DCDC1: variants seen among roughly 807,000 people sequenced by gnomAD.
The protein encoded by DCDC1 is doublecortin domain-containing protein 1.
In DCDC1, 200 loss-of-function variants were observed where a neutral mutation model predicts 178.3. That is an observed-to-expected ratio of 1.12 (90% CI 1.00 to 1.26). The LOEUF is 1.26. Among genes scored for constraint, DCDC1 ranks in the 50% most tolerant of loss-of-function variants. The probability of loss-of-function intolerance (pLI) is 0.00; values close to 1 mark genes in which losing one functional copy is unlikely to be tolerated. For missense variants in DCDC1, 1,983 were observed against 1,749.2 expected (o/e 1.13, Z -2.38); for synonymous variants, 690 against 604.8 (o/e 1.14, Z -2.07).
At chr11:31,290,945 T>C in intron 6 of DCDC1, 93 bp from the exon 7 acceptor site, 7 of 1,107,796 alleles carry the variant, frequency 6.3e-6, no homozygotes, top group Non-Finnish European at 8.9e-6. Flanking sequence ...CTGTGTATTA[T>C]ACACTGGCCA....
At position 30,878,822 on chromosome 11, in the gene DCDC1, C is replaced by T. The variant is rs1269935736; in HGVS notation, c.5234-111G>A. Reference sequence around the variant, plus strand: ...AGACCCCTCACAAATCCTTGGCTCCCACCCTGGGCTCTCTCATTACAACTT... The same window carrying T: ...AGACCCCTCACAAATCCTTGGCTCCTACCCTGGGCTCTCTCATTACAACTT... On this transcript the variant is annotated intron_variant, in intron 37 of 38. Coordinates refer to ENST00000684477, the MANE Select transcript of DCDC1 (RefSeq NM_001387274.1). The T allele has an allele frequency of 1.5e-5, 15 of 969,696 alleles. No homozygotes were observed. The East Asian group carries it at 3.7e-4, about 24-fold the overall frequency. The allele number at this position is 969,696 out of a possible 1,614,324, so 60.1% of individuals were successfully genotyped here.
In DCDC1 at chr11:31,102,227, G is replaced by C. The variant is rs780035030; in HGVS notation, c.1933C>G (p.Pro645Ala). The C allele has an allele frequency of 9.4e-6, 7 of 740,822 alleles. No homozygotes were observed. Among genetic ancestry groups the C allele is most frequent in the Non-Finnish European group, 1.7e-5 (7 of 402,262 alleles). 45.9% of individuals were successfully genotyped at this position (740,822 alleles called of 1,614,324 possible). ...AAGTCCACCTTTTCAAACTGGTCAGGTATCTGTTGACTGGTACAGTTGAAA... is the reference window on the plus strand; with the variant it reads ...AAGTCCACCTTTTCAAACTGGTCAGCTATCTGTTGACTGGTACAGTTGAAA... ...INFNCTSQQI[P>A]DQFEKVDLEN... The change falls in exon 15 of 39, where the codon CCT (proline) becomes GCT (alanine). Residue 645 changes from proline to alanine, a missense_variant. Transcript: ENST00000684477.
intron 10 of DCDC1, 164 bp from the exon 11 acceptor site, chr11:31,127,803 T>C: frequency 2.0e-6 from 1 of 506,498 alleles, no homozygotes; most frequent in Non-Finnish European, 3.5e-6. Flanking sequence ...TATACATTCC[T>C]ACATCTACTT....
intron 8 of DCDC1, among the ~76,000 whole-genome samples, chr11:31,246,838 C>A (rs1003432568): frequency 6.6e-6 from 1 of 152,008 alleles, no homozygotes; most frequent in Non-Finnish European, 1.5e-5. Context: ...ATCTTATTGT[C>A]CCTAAGGTAC....
At chr11:30,910,914 C>T (rs1460510924) in intron 28 of DCDC1, among the ~76,000 whole-genome samples, 3 of 152,186 alleles carry the variant, frequency 2.0e-5, no homozygotes, top group Non-Finnish European at 2.9e-5. Context: ...TGACTAGGTT[C>T]TTTCTCTCCA....
chr11:30,881,455 G>T, intron 36 of DCDC1, 147 bp from the exon 37 acceptor site: 1 of 1,055,990 alleles, frequency 9.5e-7, no homozygotes, highest in Non-Finnish European at 1.3e-6. Context: ...GAAGAGATGG[G>T]AAGAAGGGCA....
chr11:31,031,859 ATATTTTTCTTTTAAG>A (rs1321051433), intron 20 of DCDC1, among the ~76,000 whole-genome samples: 41 of 152,244 alleles, frequency 2.7e-4, no homozygotes, highest in Admixed American at 9.8e-4. Context: ...AACAGCCATT[ATATTTTTCTTTTAAG>A]TCATTATGGA....
chr11:31,128,090 T>C (rs1961901998), intron 10 of DCDC1, among the ~76,000 whole-genome samples: 1 of 152,058 alleles, frequency 6.6e-6, no homozygotes, highest in Non-Finnish European at 1.5e-5. Context: ...ATTTTCAATA[T>C]ATATATTAAA....
chr11:30,908,866 GA>G (rs1002005175), intron 29 of DCDC1, 79 bp downstream of exon 29: 42 of 1,344,826 alleles, frequency 3.1e-5, no homozygotes, highest in Non-Finnish European at 4.0e-5. Flanking sequence ...GTTTTCTAGG[GA>G]AAAAAATTTT....
At chr11:31,251,615 C>CAGAGAG (rs142524213) in intron 8 of DCDC1, among the ~76,000 whole-genome samples, 1 of 147,826 alleles carries the variant, frequency 6.8e-6, no homozygotes, top group African/African-American at 2.5e-5. Context: ...GACAGAGAAA[C>CAGAGAG]AGAGAGAGAG....
chr11:31,212,872 T>C (rs1027541939), intron 9 of DCDC1, among the ~76,000 whole-genome samples: 2 of 152,294 alleles, frequency 1.3e-5, no homozygotes, highest in East Asian at 3.9e-4. Flanking sequence ...CTCATTGTAA[T>C]AGAAATTGGA....
At position 31,067,291 on chromosome 11, in the gene DCDC1, TAGAC is replaced by T. The variant is rs540927331; in HGVS notation, c.2299-2142_2299-2139del. On this transcript the variant is annotated intron_variant, in intron 18 of 38. Coordinates refer to ENST00000684477, the MANE Select transcript of DCDC1 (RefSeq NM_001387274.1). ...ATGAAAATACAAGAAAAGGATCTAG[TAGAC>T]ATTTCTCCAAAGAAGATAAACCATT... Among the ~76,000 whole-genome samples the T allele has an allele frequency of 1.5e-3, 230 of 152,202 alleles. 2 individuals carry two copies. Among genetic ancestry groups the T allele is most frequent in the African/African-American group, 5.1e-3 (211 of 41,550 alleles).
intron 7 of DCDC1, among the ~76,000 whole-genome samples, chr11:31,269,611 C>T (rs991984801): frequency 2.0e-5 from 3 of 151,996 alleles, no homozygotes; most frequent in Non-Finnish European, 4.4e-5. Flanking sequence ...TCTCAAGACC[C>T]CTGGTCTCAA....
intron 9 of DCDC1, among the ~76,000 whole-genome samples, chr11:31,198,543 C>T (rs1380165636): frequency 1.3e-5 from 2 of 152,046 alleles, no homozygotes; most frequent in East Asian, 3.9e-4. Context: ...GGAGCTAAAC[C>T]TCTGCCACTA....
intron 15 of DCDC1, among the ~76,000 whole-genome samples, chr11:31,099,333 T>C (rs1275485049): frequency 6.6e-6 from 1 of 152,198 alleles, no homozygotes; most frequent in South Asian, 2.1e-4. Flanking sequence ...CTGAGTTATC[T>C]TCCTAATATG....
intron 7 of DCDC1, among the ~76,000 whole-genome samples, chr11:31,268,364 C>T (rs1479919533): frequency 6.6e-6 from 1 of 152,070 alleles, no homozygotes; most frequent in Non-Finnish European, 1.5e-5. Flanking sequence ...TTAAAAAAAT[C>T]AGTCCCTCCT....
intron 9 of DCDC1, among the ~76,000 whole-genome samples, chr11:31,225,387 T>A (rs1194033248): frequency 6.7e-6 from 1 of 149,230 alleles, no homozygotes; most frequent in Non-Finnish European, 1.5e-5. Context: ...TGGGGGGGAG[T>A]GAAGGTTAAA....
chr11:31,145,918 A>G (rs1206258599), intron 9 of DCDC1, among the ~76,000 whole-genome samples: 1 of 152,158 alleles, frequency 6.6e-6, no homozygotes, highest in East Asian at 1.9e-4. Context: ...GTCTATCAAT[A>G]CATTACATCA....
At chr11:31,109,359 G>A (rs774240944) in intron 12 of DCDC1, among the ~76,000 whole-genome samples, 8 of 151,928 alleles carry the variant, frequency 5.3e-5, no homozygotes, top group East Asian at 1.9e-4. Flanking sequence ...GTAAAAAGCC[G>A]GGGAGACAGG....
Sources: gnomAD v4.1 joint callset for allele counts (sites outside exome capture counted in the v4.1 genomes callset) on GRCh38, gnomAD v4.1.1 for gene constraint, MANE v1.5 for transcripts, NCBI Gene and HGNC (gene_info 2026-07-23, HGNC 2026-07-21) for gene names.